CBR4: variants seen among roughly 807,000 people sequenced by gnomAD.
The protein encoded by CBR4 is carbonyl reductase 4, also known as 3-oxoacyl-[acyl-carrier-protein] reductase.
A neutral mutation model predicts 21.0 loss-of-function variants in CBR4; 22 were observed. That is an observed-to-expected ratio of 1.05 (90% CI 0.75 to 1.50). The LOEUF (loss-of-function observed/expected upper bound fraction) is 1.50, where lower values mean the gene tolerates loss of function less well. Among genes scored for constraint, CBR4 ranks in the 40% most tolerant of loss-of-function variants. The pLI, the probability that CBR4 is intolerant of heterozygous loss-of-function variation, is 0.00. For synonymous variants in CBR4, 100 were observed against 104.4 expected (o/e 0.96, Z 0.26); for missense variants, 302 against 286.3 (o/e 1.05, Z -0.40).
At position 168,989,273 on chromosome 4, in the gene CBR4, T is replaced by G; in HGVS notation, c.*877A>C. 1.0e-6 allele frequency: 1 copy of G among 985,172 alleles called. No homozygotes were observed. The highest frequency in any genetic ancestry group is 1.2e-6 in the Non-Finnish European group (1 of 829,686). The allele number at this position is 985,172 out of a possible 1,614,324, so 61.0% of individuals were successfully genotyped here. On this transcript the variant is annotated 3_prime_UTR_variant, in exon 5 of 5. Transcript: ENST00000306193. ...ATAGTTCACTATTCTAAGTTTTTCATGAATAAAAAACACATCCTAAGTTCA... is the reference window on the plus strand; with the variant it reads ...ATAGTTCACTATTCTAAGTTTTTCAGGAATAAAAAACACATCCTAAGTTCA...
At chr4:168,935,265 C>T (rs72704242) in intron 2 of CBR4, among the ~76,000 whole-genome samples, 13,528 of 152,262 alleles carry the variant, frequency 0.089, 712 homozygotes, top group Middle Eastern at 0.2. Flanking sequence ...GCTTTTCCCA[C>T]GGTTTTTGCA....
intron 2 of CBR4, among the ~76,000 whole-genome samples, chr4:168,902,631 G>A (rs368517039): frequency 1.3e-5 from 2 of 152,062 alleles, no homozygotes; most frequent in African/African-American, 4.8e-5. Context: ...CCTGGGCAAC[G>A]GAGCGAGACC....
At chr4:168,979,844 G>C (rs552542817) in intron 2 of CBR4, among the ~76,000 whole-genome samples, 1 of 152,238 alleles carries the variant, frequency 6.6e-6, no homozygotes, top group Non-Finnish European at 1.5e-5. Context: ...CACTGCAATG[G>C]TACTGCCCTT....
At chr4:168,990,353 T>G (rs547126759) in intron 4 of CBR4, 25 bp from the exon 5 acceptor site, 22 of 1,556,764 alleles carry the variant, frequency 1.4e-5, no homozygotes, top group Non-Finnish European at 1.7e-5. Context: ...TTTGTTTAGT[T>G]GAAAAGGGTA....
At chr4:168,973,697 G>A (rs546912098) in intron 2 of CBR4, among the ~76,000 whole-genome samples, 24 of 152,150 alleles carry the variant, frequency 1.6e-4, no homozygotes, top group Non-Finnish European at 3.1e-4. Context: ...CATTGTTGGC[G>A]ATTTTTTAAT....
At chr4:169,003,959 C>A (rs564432773) in intron 3 of CBR4, among the ~76,000 whole-genome samples, 5 of 151,676 alleles carry the variant, frequency 3.3e-5, no homozygotes, top group African/African-American at 7.3e-5. Context: ...GTGGGGGAAG[C>A]GGGGAGGGAT....
rs111965376 is a variant in CBR4 at position 168,964,419 on chromosome 4, C to G, written n.169+37652G>C. ...ATAAAGACGACCTTCAATCGAAACACACAATCCAATGGAAACAAGTAAAGC... is the reference window on the plus strand; with the variant it reads ...ATAAAGACGACCTTCAATCGAAACAGACAATCCAATGGAAACAAGTAAAGC... On this transcript the variant is annotated intron_variant and non_coding_transcript_variant, in intron 2 of 3. Coordinates refer to the CBR4 transcript ENST00000509108. 9.3e-4 allele frequency among the ~76,000 whole-genome samples: 141 copies of G among 152,298 alleles called. 1 individual carries two copies. The highest frequency in any genetic ancestry group is 3.3e-3 in the African/African-American group (136 of 41,562).
intron 4 of CBR4, among the ~76,000 whole-genome samples, chr4:168,995,939 CAA>C (rs749059890): frequency 6.6e-5 from 10 of 152,282 alleles, no homozygotes; most frequent in South Asian, 2.1e-4. Flanking sequence ...CAGATCTGTA[CAA>C]GAGAGAGTGG....
chr4:168,904,599 TG>T (rs1287144081), intron 2 of CBR4, among the ~76,000 whole-genome samples: 1 of 152,122 alleles, frequency 6.6e-6, no homozygotes, highest in Non-Finnish European at 1.5e-5. Context: ...AAAGTTATTT[TG>T]TACCTTAAGA....
At position 169,007,619 on chromosome 4, in the gene CBR4, T is replaced by G; in HGVS notation, c.263+17A>C. ...TTAAATATATATATAAGAAACTTAT[T>G]TAAATCTGTGACCAACCTGTTAATA... is the stretch of plus-strand genomic sequence containing the variant. On this transcript the variant is annotated intron_variant, in intron 2 of 4. Coordinates refer to ENST00000306193, the MANE Select transcript of CBR4 (RefSeq NM_032783.5). 1 of 1,493,526 alleles carries G rather than the reference T, an allele frequency of 6.7e-7. No homozygotes were observed. The highest frequency in any genetic ancestry group is 8.9e-7 in the Non-Finnish European group (1 of 1,120,662). The allele number at this position is 1,493,526 out of a possible 1,614,324, so 92.5% of individuals were successfully genotyped here.
chr4:168,969,646 T>G (rs1390739297), intron 2 of CBR4, among the ~76,000 whole-genome samples: 1 of 152,148 alleles, frequency 6.6e-6, no homozygotes, highest in Non-Finnish European at 1.5e-5. Context: ...TGAGAAGGAA[T>G]GCAGGCAGCC....
At chr4:168,994,977 T>C (rs1765119295) in intron 4 of CBR4, among the ~76,000 whole-genome samples, 1 of 152,084 alleles carries the variant, frequency 6.6e-6, no homozygotes, top group Non-Finnish European at 1.5e-5. Flanking sequence ...TGGTCTCAAA[T>C]TACTGGCCTT....
intron 2 of CBR4, among the ~76,000 whole-genome samples, chr4:168,939,980 A>C (rs1478881929): frequency 6.6e-6 from 1 of 152,194 alleles, no homozygotes; most frequent in East Asian, 1.9e-4. Context: ...CCGCATAGAC[A>C]AGACAATCCT....
chr4:168,994,168 T>A (rs964379230), intron 4 of CBR4, among the ~76,000 whole-genome samples: 1 of 152,206 alleles, frequency 6.6e-6, no homozygotes, highest in African/African-American at 2.4e-5. Context: ...AGATGATAGA[T>A]TAACTAAAAG....
rs901276090 is a variant in CBR4, at chr4:168,990,084, T to C, written c.*66A>G. 1 of 1,418,200 alleles carries C rather than the reference T, an allele frequency of 7.1e-7. No homozygotes were observed. The highest frequency in any genetic ancestry group is 9.3e-7 in the Non-Finnish European group (1 of 1,078,608). The allele number at this position is 1,418,200 out of a possible 1,614,324, so 87.9% of individuals were successfully genotyped here. A position where few individuals can be genotyped will look rare whatever the true frequency, so the allele number is the denominator to read the frequency against. The stretch of plus-strand genomic sequence containing the variant: ...GCACATGTTACCCATGTAGGTATAA[T>C]TGTCTAATCAGTAGCCAAAGTGTGC... On this transcript the variant is annotated 3_prime_UTR_variant, in exon 5 of 5. Transcript: ENST00000306193.
intron 2 of CBR4, among the ~76,000 whole-genome samples, chr4:168,937,403 C>G (rs1274427520): frequency 6.6e-6 from 1 of 152,126 alleles, no homozygotes; most frequent in African/African-American, 2.4e-5. Flanking sequence ...ACTGCATCAA[C>G]TAACGGGCAA....
rs569754675 is a variant in CBR4, at chr4:168,988,521, C to T, written c.*1629G>A. The stretch of plus-strand genomic sequence containing the variant: ...GGTAGCCAAAGGCCAGCAATTGAGA[C>T]AGCATTAGAGAAACTATCTACTATG... On this transcript the variant is annotated 3_prime_UTR_variant, in exon 5 of 5. Transcript: ENST00000306193. The T allele has an allele frequency of 1.0e-6, 1 of 985,264 alleles. No individual in the cohort carries two copies. Among genetic ancestry groups the T allele is most frequent in the African/African-American group, 1.7e-5 (1 of 57,212 alleles). The allele number at this position is 985,264 out of a possible 1,614,324, so 61.0% of individuals were successfully genotyped here.
chr4:168,925,720 G>A (rs1342848276), intron 2 of CBR4, among the ~76,000 whole-genome samples: 1 of 152,096 alleles, frequency 6.6e-6, no homozygotes, highest in African/African-American at 2.4e-5. Flanking sequence ...ATTTATTTAA[G>A]AATTTATTTC....
intron 2 of CBR4, chr4:168,924,326 G>C: frequency 6.2e-7 from 1 of 1,613,970 alleles, no homozygotes; most frequent in Non-Finnish European, 8.5e-7. Context: ...TGGGTACCCA[G>C]TGCGGCTGGA....
Sources: gnomAD v4.1 joint callset for allele counts (sites outside exome capture counted in the v4.1 genomes callset) on GRCh38, gnomAD v4.1.1 for gene constraint, MANE v1.5 for transcripts, NCBI Gene and HGNC (gene_info 2026-07-23, HGNC 2026-07-21) for gene names.